The following NUP98 variants were observed in gnomAD, a reference collection of about 807,000 sequenced individuals.
NUP98 encodes nucleoporin 98 and 96 precursor.
NUP98 carries 26 observed loss-of-function variants against 191.9 expected under a neutral mutation model. The ratio of observed to expected loss-of-function variants is 0.14; its 90% CI spans 0.10 to 0.19. The LOEUF (loss-of-function observed/expected upper bound fraction) is 0.19, where lower values mean the gene tolerates loss of function less well. Ranked by LOEUF, NUP98 falls within the 10% of genes least tolerant of loss-of-function variation. The probability of loss-of-function intolerance (pLI) is 1.00; values close to 1 mark genes in which losing one functional copy is unlikely to be tolerated. For synonymous variants in NUP98, 808 were observed against 778.4 expected (o/e 1.04, Z -0.63); for missense variants, 1,941 against 2,178.8 (o/e 0.89, Z 2.17).
chr11:3,678,731 C>T (rs1481053312), intron 31 of NUP98, among the ~76,000 whole-genome samples: 1 of 152,082 alleles, frequency 6.6e-6, no homozygotes, highest in Non-Finnish European at 1.5e-5. Flanking sequence ...GTAAAAGCCT[C>T]TAAAAGGACT....
intron 16 of NUP98, among the ~76,000 whole-genome samples, 171 bp downstream of exon 16, chr11:3,722,986 T>C (rs1024680524): frequency 2.0e-5 from 3 of 152,180 alleles, no homozygotes; most frequent in Non-Finnish European, 4.4e-5. Context: ...ATGTGAACTC[T>C]GAATCAACTA....
At chr11:3,747,772 T>G (rs2080562925) in intron 11 of NUP98, among the ~76,000 whole-genome samples, 1 of 152,150 alleles carries the variant, frequency 6.6e-6, no homozygotes, top group Non-Finnish European at 1.5e-5. Flanking sequence ...AGCTATTGCC[T>G]CCCAAAAATA....
intron 11 of NUP98, among the ~76,000 whole-genome samples, chr11:3,747,335 GA>G (rs1486334998): frequency 6.6e-6 from 1 of 152,128 alleles, no homozygotes; most frequent in African/African-American, 2.4e-5. Context: ...ATTAGCACCA[GA>G]AAGATTTTTC....
At chr11:3,790,066 A>T (rs976785932) in intron 1 of NUP98, among the ~76,000 whole-genome samples, 1 of 152,202 alleles carries the variant, frequency 6.6e-6, no homozygotes, top group Non-Finnish European at 1.5e-5. Flanking sequence ...TACAGGCGTG[A>T]GCCACGGCAC....
intron 1 of NUP98, among the ~76,000 whole-genome samples, chr11:3,795,228 C>G (rs2082487462): frequency 2.0e-5 from 3 of 151,986 alleles, no homozygotes. Flanking sequence ...TGGCTTGAGC[C>G]CAGGAATTCG....
chr11:3,719,192 G>A (rs1482826569), intron 18 of NUP98, among the ~76,000 whole-genome samples: 1 of 152,042 alleles, frequency 6.6e-6, no homozygotes, highest in East Asian at 1.9e-4. Flanking sequence ...TCCAAGGAAT[G>A]TAAAAAAATG....
At position 3,693,334 on chromosome 11, in the gene NUP98, G is replaced by C; in HGVS notation, c.4209C>G (p.Ser1403=). Residue 1403 remains serine (S), a synonymous_variant, in exon 27 of 33, where the codon TCC becomes TCG. Coordinates refer to ENST00000324932, the MANE Select transcript of NUP98 (RefSeq NM_016320.5). ...LSEKKQINVC[S]QLDWKRSLAI... is the part of the protein sequence containing the mutation. ...CCAGGGAGCGTTTCCAATCCAACTG[G>C]GAGCACACGTTTATTTGCTTCTTTT... 1 of 1,614,104 alleles carries C rather than the reference G, an allele frequency of 6.2e-7. No homozygotes were observed. The highest frequency in any genetic ancestry group is 2.2e-5 in the East Asian group (1 of 44,886).
intron 1 of NUP98, among the ~76,000 whole-genome samples, chr11:3,787,809 T>C (rs1297837882): frequency 4.0e-5 from 6 of 151,828 alleles, no homozygotes; most frequent in East Asian, 3.9e-4. Context: ...CTGGCCAACA[T>C]GGTGAAACCC....
intron 28 of NUP98, among the ~76,000 whole-genome samples, chr11:3,690,308 G>A (rs1318687845): frequency 6.7e-6 from 1 of 149,590 alleles, no homozygotes; most frequent in African/African-American, 2.5e-5. Context: ...CGCCCAGGCT[G>A]GAGTGCAGTG....
intron 25 of NUP98, among the ~76,000 whole-genome samples, chr11:3,695,922 T>C (rs905907378): frequency 3.9e-5 from 6 of 152,318 alleles, no homozygotes; most frequent in African/African-American, 1.4e-4. Context: ...CCCGGCATGG[T>C]GGCTAATGCC....
chr11:3,706,378 T>G (rs2078860832), intron 21 of NUP98, 67 bp downstream of exon 21: 6 of 1,434,214 alleles, frequency 4.2e-6, no homozygotes, highest in Non-Finnish European at 5.9e-6. Context: ...AGAGACCTGA[T>G]CCTATGCAAT....
chr11:3,783,337 A>G (rs912592378), intron 1 of NUP98, among the ~76,000 whole-genome samples: 4 of 152,138 alleles, frequency 2.6e-5, no homozygotes, highest in African/African-American at 9.7e-5. Flanking sequence ...GCTGTGAGCC[A>G]TTATCATGCC....
At chr11:3,715,124 A>G (rs1182778742) in intron 18 of NUP98, among the ~76,000 whole-genome samples, 1 of 152,160 alleles carries the variant, frequency 6.6e-6, no homozygotes, top group Non-Finnish European at 1.5e-5. Flanking sequence ...AAAGGTTCCA[A>G]TTTCTCCACA....
In NUP98 at chr11:3,699,220, G is replaced by A. The variant is rs149708817; in HGVS notation, c.3871C>T (p.Arg1291Cys). 23 of 1,614,020 alleles carry A rather than the reference G, an allele frequency of 1.4e-5. No individual in the cohort carries two copies. Among genetic ancestry groups the A allele is most frequent in the African/African-American group, 1.1e-4 (8 of 74,922 alleles). Residue 1291 changes from arginine (R) to cysteine (C), a missense_variant, in exon 25 of 33, where the codon CGC (arginine) becomes TGC (cysteine). This residue lies in a region of NUP98 where 1,030 missense variants were observed against 1,115.8 expected (regional missense o/e 0.92). Coordinates refer to ENST00000324932, the MANE Select transcript of NUP98 (RefSeq NM_016320.5). Reference protein sequence around the residue: ...QILERRRAFSRWLSCTATPQI... With the variant: ...QILERRRAFSCWLSCTATPQI... ...GGTGTGGCAGTACAGGATAGCCAGC[G>A]GGAGAAAGCTCTTCTTCGCTCCAGA...
rs552282588 is a variant in NUP98, at chr11:3,753,701, A to G, written c.1175-293T>C. 3.8e-3 allele frequency among the ~76,000 whole-genome samples: 525 copies of G among 138,894 alleles called. 3 individuals are homozygous for G. Among genetic ancestry groups the G allele is most frequent in the African/African-American group, 0.013 (491 of 38,192 alleles). The allele number at this position is 138,894 out of a possible 152,430, so 91.1% of individuals were successfully genotyped here. ...CGAGGCTGACAGATCACCTGAAGTCAGGAGTTCAAAACAAGCCTGGCCAAG... is the reference window on the plus strand; with the variant it reads ...CGAGGCTGACAGATCACCTGAAGTCGGGAGTTCAAAACAAGCCTGGCCAAG... On this transcript the variant is annotated intron_variant, in intron 10 of 32. Transcript: ENST00000324932.
At chr11:3,716,321 C>G (rs1209423207) in intron 18 of NUP98, among the ~76,000 whole-genome samples, 1 of 151,756 alleles carries the variant, frequency 6.6e-6, no homozygotes, top group Non-Finnish European at 1.5e-5. Context: ...AAGAGACTGT[C>G]TTCTCCCGAT....
In NUP98 at chr11:3,687,054, T is replaced by G. The variant is rs781028157; in HGVS notation, c.4455-860A>C. On this transcript the variant is annotated intron_variant, in intron 28 of 32. Transcript: ENST00000324932. The stretch of plus-strand genomic sequence containing the variant: ...ATGCGATCCTCTCACTTCAGCCTCC[T>G]AAGTAGCTGGGACTACAGATGCATG... Among the ~76,000 whole-genome samples the G allele has an allele frequency of 1.1e-4, 17 of 152,104 alleles. 1 individual carries two copies. The highest frequency in any genetic ancestry group is 2.2e-4 in the Non-Finnish European group (15 of 68,000).
chr11:3,741,687 G>C (rs1188584591), intron 12 of NUP98, among the ~76,000 whole-genome samples: 2 of 152,016 alleles, frequency 1.3e-5, no homozygotes, highest in African/African-American at 2.4e-5. Context: ...CAGAAACACA[G>C]GTCAAAGACA....
intron 4 of NUP98, 41 bp downstream of exon 4, chr11:3,778,832 C>A: frequency 6.3e-7 from 1 of 1,583,554 alleles, no homozygotes; most frequent in Non-Finnish European, 8.6e-7. Flanking sequence ...AATAAGCAAA[C>A]CAAATTATTA....
Sources: allele counts gnomAD v4.1 joint callset (sites outside exome capture counted in the v4.1 genomes callset), GRCh38; gene constraint gnomAD v4.1.1; regional missense constraint gnomAD v4.1.1; transcripts MANE v1.5; gene names NCBI Gene and HGNC (gene_info 2026-07-23, HGNC 2026-07-21).